Variants in PLEKHG1 observed in about 807,000 individuals in gnomAD.
The protein encoded by PLEKHG1 is pleckstrin homology domain-containing family G member 1.
A neutral mutation model predicts 100.8 loss-of-function variants in PLEKHG1; 44 were observed. The observed-to-expected ratio is 0.44, with a 90% CI of 0.34 to 0.56. PLEKHG1 has a LOEUF of 0.56. Among genes scored for constraint, PLEKHG1 ranks in the 20% least tolerant of loss-of-function variants. PLEKHG1 has a pLI of 0.01. For missense variants in PLEKHG1, 1,545 were observed against 1,720.9 expected, an observed-to-expected ratio of 0.90 and a Z score of 1.81; for synonymous variants, 640 against 662.5, an observed-to-expected ratio of 0.97 and a Z score of 0.52.
Position 150,738,642 on chromosome 6 carries a change from TGTG to T in PLEKHG1, c.411+4556_411+4558del, listed in dbSNP as rs546866359. On this transcript the variant is annotated intron_variant, in intron 2 of 15. Transcript: ENST00000358517. ...GCTTTCTGAAAGTTGAACCCCAAAA[TGTG>T]GTGGTTCTTATTCCTGTTGCTCTTC... is the stretch of plus-strand genomic sequence containing the variant. Among the ~76,000 whole-genome samples the T allele has an allele frequency of 8.1e-4, 123 of 152,302 alleles. 1 individual carries two copies. The highest frequency in any genetic ancestry group is 4.0e-3 in the East Asian group (21 of 5,186).
chr6:150,611,938 G>T (rs1357899881), intron 1 of PLEKHG1, among the ~76,000 whole-genome samples: 3 of 152,086 alleles, frequency 2.0e-5, no homozygotes, highest in Admixed American at 6.5e-5. Flanking sequence ...CTGAAATGGG[G>T]TTGGGGATTT....
intron 1 of PLEKHG1, among the ~76,000 whole-genome samples, chr6:150,617,133 T>G (rs1279191679): frequency 6.6e-6 from 1 of 152,246 alleles, no homozygotes; most frequent in Admixed American, 6.5e-5. Context: ...GGAAATCCTT[T>G]GTAACAGGGT....
intron 5 of PLEKHG1, among the ~76,000 whole-genome samples, chr6:150,800,080 C>G (rs1213765050): frequency 6.6e-6 from 1 of 152,182 alleles, no homozygotes; most frequent in Non-Finnish European, 1.5e-5. Context: ...GACTATCTGG[C>G]TTTCCCAGAA....
chr6:150,809,850 C>A, intron 10 of PLEKHG1, 116 bp downstream of exon 11: 2 of 566,358 alleles, frequency 3.5e-6, no homozygotes, highest in Non-Finnish European at 3.0e-6. Context: ...GACTGGGCGA[C>A]AGAGTGAGAC....
rs191565571 is a variant in PLEKHG1, at chr6:150,748,716, G to A, written c.411+14624G>A. 1.1e-3 allele frequency among the ~76,000 whole-genome samples: 161 copies of A among 147,568 alleles called. 1 individual carries two copies. Among genetic ancestry groups the A allele is most frequent in the Non-Finnish European group, 1.5e-3 (98 of 67,502 alleles). ...GCTCACTGCAACCTCCACCTCCCCAGTTCAAGTGATTCTCCTGCCTCAGCC... is the reference window on the plus strand; with the variant it reads ...GCTCACTGCAACCTCCACCTCCCCAATTCAAGTGATTCTCCTGCCTCAGCC... On this transcript the variant is annotated intron_variant, in intron 2 of 15. Coordinates refer to ENST00000358517, the Ensembl canonical transcript of PLEKHG1.
rs117370277 is a variant in PLEKHG1, at chr6:150,789,000, G to A, written c.582+2541G>A. Among the ~76,000 whole-genome samples the A allele has an allele frequency of 2.1e-3, 325 of 152,284 alleles. 11 individuals carry two copies. The East Asian group carries it at 0.044, about 21-fold the overall frequency. ...GAGTGAATTTAAGTCAAAGTTACCC[G>A]TATGCTGTTTACATATTAAGTCTTT... On this transcript the variant is annotated intron_variant, in intron 4 of 15. Transcript: ENST00000358517.
intron 2 of PLEKHG1, among the ~76,000 whole-genome samples, chr6:150,645,936 T>A (rs905061268): frequency 6.6e-5 from 10 of 152,218 alleles, no homozygotes; most frequent in African/African-American, 2.4e-4. Flanking sequence ...ATGTACAACA[T>A]TGCTTTTAGT....
intron 4 of PLEKHG1, among the ~76,000 whole-genome samples, chr6:150,790,253 C>T (rs1013119867): frequency 1.3e-5 from 2 of 152,196 alleles, no homozygotes; most frequent in African/African-American, 4.8e-5. Flanking sequence ...TCTTGAACTC[C>T]TGACCTCAGG....
At chr6:150,747,058 T>C (rs1184693612) in intron 2 of PLEKHG1, among the ~76,000 whole-genome samples, 3 of 152,254 alleles carry the variant, frequency 2.0e-5, no homozygotes, top group Non-Finnish European at 4.4e-5. Flanking sequence ...TCTGCTGATA[T>C]ATTGCAAAGA....
chr6:150,807,139 C>G (rs6924455), intron 7 of PLEKHG1, among the ~76,000 whole-genome samples: 7,013 of 152,230 alleles, frequency 0.046, 248 homozygotes, highest in African/African-American at 0.1. Flanking sequence ...TGTTATAATT[C>G]TTCTAATTTA....
At chr6:150,772,808 A>C (rs1784774355) in intron 3 of PLEKHG1, among the ~76,000 whole-genome samples, 1 of 152,058 alleles carries the variant, frequency 6.6e-6, no homozygotes. Context: ...ATCTTTTCTT[A>C]TTGGCCATTT....
chr6:150,700,172 C>A (rs1356533110), intron 3 of PLEKHG1, among the ~76,000 whole-genome samples: 1 of 152,202 alleles, frequency 6.6e-6, no homozygotes, highest in African/African-American at 2.4e-5. Flanking sequence ...GGCCAGGAGA[C>A]CCTGCCAGGC....
chr6:150,771,341 C>T (rs1319559303), intron 3 of PLEKHG1, among the ~76,000 whole-genome samples: 3 of 151,572 alleles, frequency 2.0e-5, no homozygotes, highest in African/African-American at 4.8e-5. Flanking sequence ...CACTTGAACC[C>T]GGGAGGTGGA....
intron 2 of PLEKHG1, among the ~76,000 whole-genome samples, chr6:150,766,660 A>T (rs1232390174): frequency 2.6e-5 from 4 of 152,178 alleles, no homozygotes; most frequent in Non-Finnish European, 5.9e-5. Context: ...ATGGACTCTG[A>T]GGTTTTTGAA....
At chr6:150,617,799 C>G (rs1369339648) in intron 1 of PLEKHG1, among the ~76,000 whole-genome samples, 1 of 152,176 alleles carries the variant, frequency 6.6e-6, no homozygotes, top group Non-Finnish European at 1.5e-5. Context: ...ACAGACAAAC[C>G]TATTGCAGCT....
At chr6:150,781,303 A>G (rs911800810) in intron 3 of PLEKHG1, among the ~76,000 whole-genome samples, 15 of 151,474 alleles carry the variant, frequency 9.9e-5, no homozygotes, top group African/African-American at 1.5e-4. Flanking sequence ...TCAAGAGTTC[A>G]AGACCAGCCT....
intron 2 of PLEKHG1, among the ~76,000 whole-genome samples, chr6:150,768,255 TTTTA>T (rs1479398569): frequency 3.9e-5 from 6 of 152,210 alleles, no homozygotes; most frequent in African/African-American, 1.4e-4. Context: ...AGTTCAGAAT[TTTTA>T]TTTCTGGTTT....
intron 3 of PLEKHG1, among the ~76,000 whole-genome samples, chr6:150,771,915 G>A (rs2128641798): frequency 6.6e-6 from 1 of 152,280 alleles, no homozygotes; most frequent in African/African-American, 2.4e-5. Flanking sequence ...TTCTGTCAAA[G>A]AGTCAGGCGT....
intron 11 of PLEKHG1, among the ~76,000 whole-genome samples, chr6:150,818,536 G>A (rs997399534): frequency 2.0e-5 from 3 of 152,164 alleles, no homozygotes; most frequent in African/African-American, 7.2e-5. Context: ...AAAAACCAGA[G>A]CTTAACAATG....
Sources: gnomAD v4.1 joint callset for allele counts (sites outside exome capture counted in the v4.1 genomes callset) on GRCh38, gnomAD v4.1.1 for gene constraint, MANE v1.5 for transcripts, NCBI Gene and HGNC (gene_info 2026-07-23, HGNC 2026-07-21) for gene names.